DMD: variants seen among roughly 807,000 people sequenced by gnomAD.
The protein encoded by DMD is dystrophin, also known as mutant dystrophin.
In DMD, 63 loss-of-function variants were observed where a neutral mutation model predicts 330.1. The observed-to-expected ratio is 0.19, with a 90% CI of 0.16 to 0.24. DMD has a LOEUF of 0.24. Ranked by LOEUF, DMD falls within the 10% of genes least tolerant of loss-of-function variation. DMD has a pLI of 1.00. For missense variants in DMD, 3,344 were observed against 2,684.1 expected, an observed-to-expected ratio of 1.25 and a Z score of -5.43; for synonymous variants, 1,223 against 959.8, an observed-to-expected ratio of 1.27 and a Z score of -5.07.
At chrX:31,343,614 TGTGTGAGAGA>T (rs988917700) in intron 61 of DMD, among the ~76,000 whole-genome samples, 1 of 95,810 alleles carries the variant, frequency 1.0e-5, no homozygotes, top group Non-Finnish European at 2.2e-5. Context: ...TGTGTGTGTG[TGTGTGAGAGA>T]GAGAGAGAGA....
At chrX:31,788,401 A>G (rs1167180537) in intron 50 of DMD, among the ~76,000 whole-genome samples, 1 of 112,041 alleles carries the variant, frequency 8.9e-6, no homozygotes, top group Non-Finnish European at 1.9e-5. Context: ...CCTTGTTTAC[A>G]CTAGTACTTT....
rs1193628331 is a variant in DMD at position 32,472,363 on chromosome X, C to A, written c.2804-54G>T. ...ATCACTTAATTGTTTCACACTTTGC[C>A]ATGTTTTCCTAAATTGTCAGCAAAC... On this transcript the variant is annotated intron_variant, in intron 21 of 78. Coordinates refer to ENST00000357033, the MANE Select transcript of DMD (RefSeq NM_004006.3). The A allele has an allele frequency of 6.1e-6, 7 of 1,149,219 alleles. No homozygotes were observed. The Admixed American group carries it at 1.3e-4, about 22-fold the overall frequency. The allele number at this position is 1,149,219 out of a possible 1,213,427, so 94.7% of individuals were successfully genotyped here.
intron 1 of DMD, among the ~76,000 whole-genome samples, chrX:33,280,312 T>G (rs974182377): frequency 2.7e-5 from 3 of 112,238 alleles, no homozygotes; most frequent in African/African-American, 9.7e-5. Context: ...ATATTTTGCA[T>G]AGCAAAAGTT....
chrX:31,510,698 A>G (rs1280097296), intron 55 of DMD, among the ~76,000 whole-genome samples: 2 of 108,596 alleles, frequency 1.8e-5, no homozygotes, highest in East Asian at 2.9e-4. Flanking sequence ...TTTAGTAGAA[A>G]CAGGGTTTCA....
chrX:33,009,144 GTATA>G lies in DMD; in HGVS notation c.93+10991_93+10994del, dbSNP rs2093500547. ...TATACGTATATATGTATATATATGT[GTATA>G]TATACGTATATATGTATATATATGT... is the stretch of plus-strand genomic sequence containing the variant. On this transcript the variant is annotated intron_variant, in intron 2 of 78. Coordinates refer to ENST00000357033, the MANE Select transcript of DMD (RefSeq NM_004006.3). Among the ~76,000 whole-genome samples, 4 of 27,854 alleles carry G rather than the reference GTATA, an allele frequency of 1.4e-4. 2 individuals carry two copies. The highest frequency in any genetic ancestry group is 5.7e-4 in the African/African-American group (4 of 7,058). 24.2% of individuals were successfully genotyped at this position (27,854 alleles called of 115,157 possible).
intron 47 of DMD, among the ~76,000 whole-genome samples, chrX:31,914,006 A>G (rs2094578262): frequency 8.9e-6 from 1 of 112,254 alleles, no homozygotes; most frequent in Non-Finnish European, 1.9e-5. Context: ...TTGCATCACC[A>G]CAATTTGAAC....
At chrX:32,660,954 C>T (rs1011832087) in intron 9 of DMD, among the ~76,000 whole-genome samples, 20 of 111,113 alleles carry the variant, frequency 1.8e-4, no homozygotes, top group African/African-American at 6.2e-4. Flanking sequence ...CATAGCAGCA[C>T]ATCAAGAGCA....
At chrX:32,730,336 A>T (rs1017497819) in intron 7 of DMD, among the ~76,000 whole-genome samples, 1 of 112,343 alleles carries the variant, frequency 8.9e-6, no homozygotes, top group South Asian at 3.7e-4. Flanking sequence ...AAAGAGTAAT[A>T]TCTTGTCTCT....
intron 51 of DMD, among the ~76,000 whole-genome samples, chrX:31,744,451 T>C (rs774438626): frequency 7.2e-5 from 8 of 111,707 alleles, no homozygotes; most frequent in African/African-American, 2.6e-4. Context: ...TAAAACGAGA[T>C]ACGCATGTAC....
chrX:32,292,543 G>A (rs982370273), intron 42 of DMD, among the ~76,000 whole-genome samples: 7 of 109,247 alleles, frequency 6.4e-5, no homozygotes, highest in African/African-American at 1.7e-4. Flanking sequence ...TCCTGACCTC[G>A]TGATCCACCC....
intron 62 of DMD, among the ~76,000 whole-genome samples, chrX:31,317,941 G>T (rs763171360): frequency 8.9e-6 from 1 of 112,250 alleles, no homozygotes; most frequent in Admixed American, 9.4e-5. Context: ...TGCTGTTAAG[G>T]CTAAGATGTA....
At chrX:32,731,023 C>T (rs1039741384) in intron 7 of DMD, among the ~76,000 whole-genome samples, 146 of 111,496 alleles carry the variant, frequency 1.3e-3, no homozygotes, top group South Asian at 1.9e-3. Context: ...CTAGGGAGTG[C>T]CAGACAGTGG....
chrX:31,622,675 A>G (rs2078601346), intron 55 of DMD, among the ~76,000 whole-genome samples: 1 of 108,707 alleles, frequency 9.2e-6, no homozygotes, highest in Admixed American at 9.9e-5. Context: ...CAGCCTCCAG[A>G]ACTGTGAGAA....
chrX:32,659,726 T>A (rs1314750804), intron 9 of DMD, among the ~76,000 whole-genome samples: 1 of 111,055 alleles, frequency 9.0e-6, no homozygotes, highest in Non-Finnish European at 1.9e-5. Flanking sequence ...CTAAGAGAAT[T>A]AGACCAAGGC....
At chrX:31,877,695 GCA>G (rs2093990301) in intron 47 of DMD, among the ~76,000 whole-genome samples, 1 of 110,755 alleles carries the variant, frequency 9.0e-6, no homozygotes, top group Non-Finnish European at 1.9e-5. Flanking sequence ...GTGTGTGTGT[GCA>G]CGCACGCGCG....
intron 43 of DMD, among the ~76,000 whole-genome samples, chrX:32,284,616 T>C (rs1231516478): frequency 8.9e-6 from 1 of 111,957 alleles, no homozygotes; most frequent in African/African-American, 3.2e-5. Flanking sequence ...ATAACAACCC[T>C]GTGACATAGA....
At chrX:32,704,191 T>A (rs1569474151) in intron 7 of DMD, among the ~76,000 whole-genome samples, 3 of 111,859 alleles carry the variant, frequency 2.7e-5, no homozygotes, top group Non-Finnish European at 5.6e-5. Flanking sequence ...ATTCAAAGGC[T>A]AGTCAAAATC....
At chrX:31,279,400 C>T (rs2052444373) in intron 62 of DMD, among the ~76,000 whole-genome samples, 1 of 112,182 alleles carries the variant, frequency 8.9e-6, no homozygotes, top group African/African-American at 3.2e-5. Flanking sequence ...TTCTAGCCCT[C>T]TCCTTGGTGT....
At chrX:31,491,294 C>T (rs1029904288) in intron 57 of DMD, among the ~76,000 whole-genome samples, 1 of 111,916 alleles carries the variant, frequency 8.9e-6, no homozygotes, top group Non-Finnish European at 1.9e-5. Context: ...CTTAGAAATT[C>T]CCCACTATGA....
Sources: gnomAD v4.1 joint callset for allele counts (sites outside exome capture counted in the v4.1 genomes callset) on GRCh38, gnomAD v4.1.1 for gene constraint, MANE v1.5 for transcripts, NCBI Gene and HGNC (gene_info 2026-07-23, HGNC 2026-07-21) for gene names.